Variants in PCDHA2 observed in about 807,000 individuals in gnomAD.
PCDHA2 encodes protocadherin alpha 2.
Under a neutral mutation model 66.0 loss-of-function variants are expected in PCDHA2, and 58 were observed. That is an observed-to-expected ratio of 0.88 (90% CI 0.71 to 1.09). The LOEUF is 1.09. Among genes scored for constraint, PCDHA2 ranks in the 50% least tolerant of loss-of-function variants. The pLI, the probability that PCDHA2 is intolerant of heterozygous loss-of-function variation, is 0.00. For synonymous variants in PCDHA2, 634 were observed against 554.0 expected, an observed-to-expected ratio of 1.14 and a Z score of -2.03; for missense variants, 1,267 against 1,242.3, an observed-to-expected ratio of 1.02 and a Z score of -0.30.
Position 140,860,053 on chromosome 5 carries a change from C to T in PCDHA2, c.2388+62701C>T, listed in dbSNP as rs186329592. The T allele has an allele frequency of 6.0e-5, 9 of 150,766 alleles. No individual in the cohort carries two copies. In the East Asian group the frequency reaches 1.6e-3, roughly 26 times the overall value. 9.3% of individuals were successfully genotyped at this position (150,766 alleles called of 1,614,324 possible). A position where few individuals can be genotyped will look rare whatever the true frequency, so the allele number is the denominator to read the frequency against. ...CCTGTAATCCCAGCATTTTGAGAGGCCAAGGTGGGAGGATGGTTTGAGGCC... is the reference window on the plus strand; with the variant it reads ...CCTGTAATCCCAGCATTTTGAGAGGTCAAGGTGGGAGGATGGTTTGAGGCC... On this transcript the variant is annotated intron_variant, in intron 1 of 3. Transcript: ENST00000526136.
At chr5:140,828,051 CG>C in intron 1 of PCDHA2, 1 of 1,545,276 alleles carries the variant, frequency 6.5e-7, no homozygotes, top group East Asian at 2.3e-5. Flanking sequence ...TATCTTTATG[CG>C]GAAGATCTTC....
chr5:140,898,965 G>T (rs2067069000), intron 1 of PCDHA2, among the ~76,000 whole-genome samples: 1 of 152,044 alleles, frequency 6.6e-6, no homozygotes, highest in Non-Finnish European at 1.5e-5. Flanking sequence ...GTGAATGGGA[G>T]TTCACTCATG....
intron 1 of PCDHA2, chr5:140,876,308 A>G: frequency 6.2e-7 from 1 of 1,614,070 alleles, no homozygotes; most frequent in Non-Finnish European, 8.5e-7. Flanking sequence ...GAAATTTCCT[A>G]TGGGATCAAA....
intron 1 of PCDHA2, among the ~76,000 whole-genome samples, chr5:140,976,067 T>C (rs1554237245): frequency 6.6e-6 from 1 of 152,218 alleles, no homozygotes; most frequent in Non-Finnish European, 1.5e-5. Flanking sequence ...ATATATGTCT[T>C]ACTGTGTCAG....
chr5:140,858,857 T>C, intron 1 of PCDHA2: 1 of 267,758 alleles, frequency 3.7e-6, no homozygotes, highest in South Asian at 4.6e-5. Flanking sequence ...CTATATCTCT[T>C]CAGTGAAAAT....
chr5:140,860,192 C>CATATATATATATATATATAT (rs143984774), intron 1 of PCDHA2: 1 of 146,816 alleles, frequency 6.8e-6, no homozygotes, highest in African/African-American at 2.5e-5. Context: ...GCTCTCCTTA[C>CATATATATATATATATATAT]ATATATATCT....
At chr5:140,895,197 T>C (rs782373000) in intron 1 of PCDHA2, among the ~76,000 whole-genome samples, 2 of 152,182 alleles carry the variant, frequency 1.3e-5, no homozygotes, top group Non-Finnish European at 1.5e-5. Flanking sequence ...AAGTTTTGAA[T>C]TTGCTTTTAT....
chr5:140,851,183 C>A, intron 1 of PCDHA2: 2 of 1,240,836 alleles, frequency 1.6e-6, no homozygotes, highest in Non-Finnish European at 1.0e-6. Context: ...ACTTGAAAAC[C>A]AATTTAGTTG....
At position 140,852,693 on chromosome 5, in the gene PCDHA2, C is replaced by T. The variant is rs138488585; in HGVS notation, c.2388+55341C>T. 6.9e-4 allele frequency: 673 copies of T among 973,480 alleles called. 53 individuals carry two copies. Among genetic ancestry groups the T allele is most frequent in the African/African-American group, 2.3e-3 (127 of 56,176 alleles). The allele number at this position is 973,480 out of a possible 1,614,324, so 60.3% of individuals were successfully genotyped here. A position where few individuals can be genotyped will look rare whatever the true frequency, so the allele number is the denominator to read the frequency against. Reference sequence around the variant, plus strand: ...AACTCACCTTGAATATAGTCTTATACTTTCAAGTATCTTTGTCTTTGCACG... The same window carrying T: ...AACTCACCTTGAATATAGTCTTATATTTTCAAGTATCTTTGTCTTTGCACG... On this transcript the variant is annotated intron_variant, in intron 1 of 3. Transcript: ENST00000526136.
chr5:140,968,923 T>G lies in PCDHA2; in HGVS notation c.2389-10026T>G, dbSNP rs140504777. The G allele has an allele frequency of 2.9e-3, 4,668 of 1,614,212 alleles. 4 individuals are homozygous for G. Among genetic ancestry groups the G allele is most frequent in the Non-Finnish European group, 3.3e-3 (3,916 of 1,180,046 alleles). ...CATTAAGCACAGTGTCTTTTATATT[T>G]CTTTTGACAATCATCATTTTGAGCA... On this transcript the variant is annotated intron_variant, in intron 1 of 3. Coordinates refer to ENST00000526136, the MANE Select transcript of PCDHA2 (RefSeq NM_018905.3).
intron 1 of PCDHA2, chr5:140,884,132 T>C: frequency 6.2e-7 from 1 of 1,613,400 alleles, no homozygotes; most frequent in South Asian, 1.1e-5. Context: ...GCGCATCCCG[T>C]TCCGCGTGGG....
chr5:140,909,550 A>C (rs549281873), intron 1 of PCDHA2, among the ~76,000 whole-genome samples: 2 of 152,232 alleles, frequency 1.3e-5, no homozygotes, highest in East Asian at 3.9e-4. Context: ...GGTGGCACTA[A>C]TCTCTGCAAC....
chr5:140,843,104 C>A (rs1327692669), intron 1 of PCDHA2: 3 of 1,595,712 alleles, frequency 1.9e-6, no homozygotes, highest in Non-Finnish European at 1.7e-6. Context: ...AGCGAAGGTG[C>A]GCGCAGTGGA....
At chr5:140,803,596 G>A (rs1763244716) in intron 1 of PCDHA2, 2 of 1,614,106 alleles carry the variant, frequency 1.2e-6, no homozygotes, top group Admixed American at 1.7e-5. Context: ...GCCAAAGTGA[G>A]TAATTTTTAT....
chr5:140,890,259 T>C (rs1303485467), intron 1 of PCDHA2, among the ~76,000 whole-genome samples: 2 of 152,140 alleles, frequency 1.3e-5, no homozygotes, highest in Admixed American at 6.6e-5. Flanking sequence ...CTGCACCTGA[T>C]TGCAAGCAAG....
intron 1 of PCDHA2, chr5:140,865,192 A>C (rs1306002523): frequency 3.9e-5 from 6 of 152,218 alleles, no homozygotes; most frequent in Non-Finnish European, 8.8e-5. Flanking sequence ...CCTTCACACC[A>C]TATTAATGTG....
At chr5:140,829,537 G>A (rs782695954) in intron 1 of PCDHA2, 1 of 1,613,080 alleles carries the variant, frequency 6.2e-7, no homozygotes, top group Non-Finnish European at 8.5e-7. Context: ...CGCGAGACGC[G>A]GACGCGCAGG....
At chr5:140,895,103 T>C (rs1459301220) in intron 1 of PCDHA2, among the ~76,000 whole-genome samples, 3 of 152,204 alleles carry the variant, frequency 2.0e-5, no homozygotes, top group Non-Finnish European at 4.4e-5. Flanking sequence ...GGGTTTTTGC[T>C]ACAAGAAGAC....
At chr5:140,958,294 A>G (rs1324756311) in intron 1 of PCDHA2, among the ~76,000 whole-genome samples, 1 of 152,142 alleles carries the variant, frequency 6.6e-6, no homozygotes, top group African/African-American at 2.4e-5. Context: ...ATATTATTGA[A>G]CTTAATTAAA....
Sources: allele counts gnomAD v4.1 joint callset (sites outside exome capture counted in the v4.1 genomes callset), GRCh38; gene constraint gnomAD v4.1.1; transcripts MANE v1.5; gene names NCBI Gene and HGNC (gene_info 2026-07-23, HGNC 2026-07-21).